Variants in ALPK3 observed in about 807,000 individuals in gnomAD.
The protein encoded by ALPK3 is alpha kinase 3.
A neutral mutation model predicts 140.0 loss-of-function variants in ALPK3; 102 were observed. That is an observed-to-expected ratio of 0.73 (90% confidence interval 0.62 to 0.86). The LOEUF is 0.86. ALPK3 is among the 40% of genes least tolerant of loss of function. The pLI is 0.00. For missense variants in ALPK3, 2,254 were observed against 2,208.2 expected, an observed-to-expected ratio of 1.02 and a Z score of -0.42; for synonymous variants, 938 against 898.5, an observed-to-expected ratio of 1.04 and a Z score of -0.79.
At chr15:84,832,368 A>G (rs1820850) in intron 3 of ALPK3, among the ~76,000 whole-genome samples, 2,768 of 152,190 alleles carry the variant, frequency 0.018, 43 homozygotes, top group African/African-American at 0.039. Context: ...TTGCCTGTTC[A>G]CTTCATCTTT....
chr15:84,835,301 C>T (rs1438828962), intron 3 of ALPK3, among the ~76,000 whole-genome samples: 2 of 152,196 alleles, frequency 1.3e-5, no homozygotes, highest in African/African-American at 4.8e-5. Context: ...ACAGCCAGGG[C>T]TGCCCAGAGT....
intron 5 of ALPK3, among the ~76,000 whole-genome samples, chr15:84,841,558 C>A (rs1177970108): frequency 6.6e-6 from 1 of 152,136 alleles, no homozygotes; most frequent in African/African-American, 2.4e-5. Context: ...AAGTAAGTGG[C>A]AGTTGGGATC....
chr15:84,831,197 G>A (rs894781540), intron 3 of ALPK3, among the ~76,000 whole-genome samples: 2 of 152,116 alleles, frequency 1.3e-5, no homozygotes, highest in Admixed American at 6.6e-5. Context: ...TTTCTCTCTG[G>A]AAGCTTGTAA....
chr15:84,822,170 C>T (rs1567085878), intron 1 of ALPK3, among the ~76,000 whole-genome samples: 1 of 152,098 alleles, frequency 6.6e-6, no homozygotes, highest in African/African-American at 2.4e-5. Context: ...AGGGTCTAGA[C>T]TGTAGTGCAA....
intron 5 of ALPK3, among the ~76,000 whole-genome samples, chr15:84,845,816 T>C (rs1254950715): frequency 6.6e-6 from 1 of 152,146 alleles, no homozygotes; most frequent in African/African-American, 2.4e-5. Context: ...CCCAGCACTT[T>C]GGGAAGCCGA....
chr15:84,840,372 C>A lies in ALPK3; in HGVS notation c.1093C>A (p.Gln365Lys). 2.5e-6 allele frequency: 4 copies of A among 1,613,458 alleles called. No homozygotes were observed. Among genetic ancestry groups the A allele is most frequent in the Non-Finnish European group, 3.4e-6 (4 of 1,179,740 alleles). The change falls in exon 5 of 14, where the codon CAG becomes AAG. Residue 365 changes from glutamine to lysine, a missense_variant. By Grantham distance (53) the Gln-to-Lys change is moderately conservative. This residue lies in a region of ALPK3 where 2,088 missense variants were observed against 2,022.9 expected (regional missense o/e 1.03). Coordinates refer to ENST00000258888, the MANE Select transcript of ALPK3 (RefSeq NM_020778.5). ...GACTCAGGGGCCCGTGGGCGTGGAG[C>A]AGGTTCAGACCCAGCCCAGAGGCAG... ...CGTQGPVGVEQVQTQPRGRAA... is the reference protein window; with the variant it reads ...CGTQGPVGVEKVQTQPRGRAA...
intron 3 of ALPK3, among the ~76,000 whole-genome samples, chr15:84,828,145 G>C (rs1963509730): frequency 6.6e-6 from 1 of 152,150 alleles, no homozygotes; most frequent in Non-Finnish European, 1.5e-5. Context: ...ATAATGATAG[G>C]ATGCACTTCA....
intron 5 of ALPK3, among the ~76,000 whole-genome samples, chr15:84,855,773 C>A (rs1054882442): frequency 1.3e-5 from 2 of 152,214 alleles, no homozygotes; most frequent in Non-Finnish European, 2.9e-5. Flanking sequence ...ATACAGGGGC[C>A]TAGCATAGTG....
Position 84,856,995 on chromosome 15 carries a change from A to G in ALPK3, c.2257A>G (p.Ile753Val), listed in dbSNP as rs1963870627. ...AGCGGGTCCTAGAGCTCCTCTGAAT[A>G]TTGAATGTTTTGTACAGACCCCAGA... ...PTAGPRAPLN[I>V]ECFVQTPEGS... is the part of the protein sequence containing the mutation. Residue 753 changes from isoleucine to valine, a missense_variant, in exon 6 of 14, where the codon ATT (isoleucine) becomes GTT (valine). Around this residue, in one of 3 missense-constraint regions of ALPK3, gnomAD observed 2,088 missense variants for 2,022.9 expected, o/e 1.03. Transcript: ENST00000258888. The G allele has an allele frequency of 1.9e-6, 3 of 1,614,130 alleles. No individual in the cohort carries two copies. The highest frequency in any genetic ancestry group is 2.5e-6 in the Non-Finnish European group (3 of 1,180,040).
At chr15:84,833,280 C>G (rs549027592) in intron 3 of ALPK3, among the ~76,000 whole-genome samples, 2 of 152,320 alleles carry the variant, frequency 1.3e-5, no homozygotes, top group South Asian at 4.1e-4. Flanking sequence ...TCCTCACATA[C>G]ATTCAGAATC....
At position 84,858,086 on chromosome 15, in the gene ALPK3, G is replaced by A. The variant is rs1350395472; in HGVS notation, c.3348G>A (p.Gly1116=). Residue 1116 remains glycine, a synonymous_variant, in exon 6 of 14, where the codon GGG becomes GGA. Transcript: ENST00000258888. The part of the protein sequence containing the change: ...SQESSMAGRL[G]EAGGQAAPGQ... ...AGAGCAGCATGGCTGGTCGACTGGG[G>A]GAGGCGGGTGGGCAGGCAGCCCCTG... The A allele has an allele frequency of 2.6e-6, 4 of 1,568,326 alleles. No homozygotes were observed. Among genetic ancestry groups the A allele is most frequent in the East Asian group, 2.2e-5 (1 of 44,474 alleles).
chr15:84,834,995 G>A (rs1202547285), intron 3 of ALPK3, among the ~76,000 whole-genome samples: 1 of 152,228 alleles, frequency 6.6e-6, no homozygotes, highest in Non-Finnish European at 1.5e-5. Context: ...CTGTGTAGAG[G>A]CAGCACCAGA....
chr15:84,865,238 C>A (rs1039164522), intron 12 of ALPK3, among the ~76,000 whole-genome samples: 1 of 152,182 alleles, frequency 6.6e-6, no homozygotes, highest in Non-Finnish European at 1.5e-5. Flanking sequence ...TCAACCAGCT[C>A]TCTGCAGGCC....
At position 84,868,225 on chromosome 15, in the gene ALPK3, G is replaced by A; in HGVS notation, c.4887G>A (p.Glu1629=). The part of the protein sequence containing the change: ...LLGLTPLKGP[E]AAHPQAKAKG... Reference sequence around the variant, plus strand: ...GGCTGACACCTCTCAAGGGCCCGGAGGCGGCCCACCCCCAAGCCAAAGCCA... The same window carrying A: ...GGCTGACACCTCTCAAGGGCCCGGAAGCGGCCCACCCCCAAGCCAAAGCCA... The change falls in exon 14 of 14, where the codon GAG becomes GAA. Residue 1629 remains glutamate, a synonymous_variant. Transcript: ENST00000258888. 1 of 1,614,200 alleles carries A rather than the reference G, an allele frequency of 6.2e-7. No individual in the cohort carries two copies. Among genetic ancestry groups the A allele is most frequent in the Non-Finnish European group, 8.5e-7 (1 of 1,180,028 alleles).
intron 5 of ALPK3, among the ~76,000 whole-genome samples, chr15:84,845,396 T>C (rs1399017996): frequency 6.6e-6 from 1 of 152,074 alleles, no homozygotes; most frequent in Non-Finnish European, 1.5e-5. Context: ...TTTTTTCTCC[T>C]GGGTCTCTTC....
At position 84,869,816 on chromosome 15, in the gene ALPK3, G is replaced by C. The variant is rs1039326780; in HGVS notation, c.*1360G>C. On this transcript the variant is annotated 3_prime_UTR_variant, in exon 14 of 14. Coordinates refer to ENST00000258888, the MANE Select transcript of ALPK3 (RefSeq NM_020778.5). ...TCCCCCTCTCCCAGGCAGGCTCTCT[G>C]AGGGCATTCTGTAGTCCCAGGCCCA... is the stretch of plus-strand genomic sequence containing the variant. 6.6e-6 allele frequency: 1 copy of C among 152,666 alleles called. No homozygotes were observed. Among genetic ancestry groups the C allele is most frequent in the African/African-American group, 2.4e-5 (1 of 41,426 alleles). The allele number at this position is 152,666 out of a possible 1,614,324, so 9.5% of individuals were successfully genotyped here.
chr15:84,864,290 A>G (rs942075049), intron 11 of ALPK3, 152 bp from the exon 12 acceptor site: 1 of 755,744 alleles, frequency 1.3e-6, no homozygotes, highest in Non-Finnish European at 2.1e-6. Flanking sequence ...CTCAGGGTGG[A>G]GCTGCTTTCC....
chr15:84,872,750 C>T lies in ALPK3; in HGVS notation c.*4294C>T, dbSNP rs752116774. 11 of 152,228 alleles carry T rather than the reference C, an allele frequency of 7.2e-5. No individual in the cohort carries two copies. Among genetic ancestry groups the T allele is most frequent in the Non-Finnish European group, 1.5e-4 (10 of 68,044 alleles). 9.4% of individuals were successfully genotyped at this position (152,228 alleles called of 1,614,324 possible). A position where few individuals can be genotyped will look rare whatever the true frequency, so the allele number is the denominator to read the frequency against. ...CTGGGCAGCTGCCAATTTCCCGTCC[C>T]TTCTGTAGTCCCAGATGAATGGATA... On this transcript the variant is annotated 3_prime_UTR_variant, in exon 14 of 14. Coordinates refer to ENST00000258888, the MANE Select transcript of ALPK3 (RefSeq NM_020778.5).
intron 2 of ALPK3, among the ~76,000 whole-genome samples, chr15:84,824,963 G>A (rs573135856): frequency 6.1e-4 from 93 of 152,268 alleles, no homozygotes; most frequent in Non-Finnish European, 1.2e-3. Context: ...GAACATGACA[G>A]TATATACAGT....
Sources: gnomAD v4.1 joint callset for allele counts (sites outside exome capture counted in the v4.1 genomes callset) on GRCh38, gnomAD v4.1.1 for gene constraint, gnomAD v4.1.1 regional missense constraint, MANE v1.5 for transcripts, NCBI Gene and HGNC (gene_info 2026-07-23, HGNC 2026-07-21) for gene names.